CASP8: variants seen among roughly 807,000 people sequenced by gnomAD.
CASP8 encodes the protein caspase 8, also known as caspase-8.
A neutral mutation model predicts 46.3 loss-of-function variants in CASP8; 24 were observed. That is an observed-to-expected ratio of 0.52 (90% CI 0.38 to 0.73). The LOEUF (loss-of-function observed/expected upper bound fraction) is 0.73. Among genes scored for constraint, CASP8 ranks in the 30% least tolerant of loss-of-function variants. The probability of loss-of-function intolerance (pLI) is 0.00; values close to 1 mark genes in which losing one functional copy is unlikely to be tolerated. For missense variants in CASP8, 460 were observed against 559.0 expected (o/e 0.82, Z 1.79); for synonymous variants, 188 against 200.4 (o/e 0.94, Z 0.52).
At chr2:201,234,137 G>C (rs1358937610) in intron 2 of CASP8, 1 of 152,488 alleles carries the variant, frequency 6.6e-6, no homozygotes, top group Admixed American at 6.5e-5. Context: ...TCCAGAGGAG[G>C]TTTGGGGGAA....
At chr2:201,246,499 AC>A (rs1389608840) in intron 2 of CASP8, among the ~76,000 whole-genome samples, 1 of 152,214 alleles carries the variant, frequency 6.6e-6, no homozygotes, top group Non-Finnish European at 1.5e-5. Flanking sequence ...AGTGAAAAAA[AC>A]ATATTATTAT....
chr2:201,237,438 T>TAAA (rs774127508), intron 2 of CASP8, among the ~76,000 whole-genome samples: 5 of 46,074 alleles, frequency 1.1e-4, no homozygotes, highest in East Asian at 7.0e-4. Flanking sequence ...ATCTTCAGAG[T>TAAA]AAAAAAAAAA....
chr2:201,268,060 G>T (rs1271126128), intron 2 of CASP8, among the ~76,000 whole-genome samples: 1 of 152,142 alleles, frequency 6.6e-6, no homozygotes, highest in Non-Finnish European at 1.5e-5. Context: ...CTGAGTAGCT[G>T]GGATTACAGG....
intron 2 of CASP8, among the ~76,000 whole-genome samples, chr2:201,246,711 C>T (rs1946536878): frequency 6.6e-6 from 1 of 152,166 alleles, no homozygotes; most frequent in African/African-American, 2.4e-5. Context: ...AACTGCATGT[C>T]CTGCTCAGAT....
chr2:201,271,396 G>A, intron 2 of CASP8, 120 bp from the exon 3 acceptor site: 1 of 735,522 alleles, frequency 1.4e-6, no homozygotes, highest in South Asian at 1.4e-5. Context: ...CATAAACCAT[G>A]CCATTAACTG....
intron 6 of CASP8, among the ~76,000 whole-genome samples, chr2:201,275,476 C>G (rs1474241379): frequency 2.0e-5 from 3 of 152,178 alleles, no homozygotes; most frequent in Non-Finnish European, 4.4e-5. Context: ...CAACAATCCA[C>G]CAAATACATC....
At chr2:201,250,303 A>T (rs933888166) in intron 2 of CASP8, among the ~76,000 whole-genome samples, 1 of 152,188 alleles carries the variant, frequency 6.6e-6, no homozygotes, top group African/African-American at 2.4e-5. Context: ...AAAATATTCA[A>T]TATGTCATTG....
intron 2 of CASP8, among the ~76,000 whole-genome samples, chr2:201,243,584 A>G (rs1182580258): frequency 6.6e-6 from 1 of 152,234 alleles, no homozygotes; most frequent in Non-Finnish European, 1.5e-5. Flanking sequence ...GCTAATAGGT[A>G]AGGAAAAGTC....
intron 1 of CASP8, chr2:201,262,047 A>G (rs1309582601): frequency 6.6e-6 from 1 of 152,112 alleles, no homozygotes; most frequent in African/African-American, 2.4e-5. Flanking sequence ...TTATTATAAA[A>G]TTTTTTGAAA....
At chr2:201,258,217 A>C (rs568542331), upstream of CASP8, 4 of 1,605,872 alleles carry the variant, frequency 2.5e-6, no homozygotes, top group African/African-American at 1.3e-5. Context: ...AGTCAACTCA[A>C]CAGGAAGTGA....
chr2:201,279,417 T>A (rs1056450347), intron 7 of CASP8, among the ~76,000 whole-genome samples: 6 of 152,170 alleles, frequency 3.9e-5, no homozygotes, highest in African/African-American at 1.2e-4. Flanking sequence ...TCCAAGACAC[T>A]GGCAGCAGAT....
At chr2:201,285,556 C>T (rs1472728880) in intron 8 of CASP8, among the ~76,000 whole-genome samples, 1 of 152,196 alleles carries the variant, frequency 6.6e-6, no homozygotes, top group Non-Finnish European at 1.5e-5. Flanking sequence ...CAAGTGTTAA[C>T]ATCCTTAGTT....
chr2:201,257,864 C>A, upstream of CASP8: 2 of 312,104 alleles, frequency 6.4e-6, no homozygotes, highest in South Asian at 5.4e-5. Flanking sequence ...TACTTGCCAC[C>A]GACAGGGGTT....
chr2:201,275,092 A>G (rs1156693784), intron 6 of CASP8, 139 bp downstream of exon 6: 6 of 693,320 alleles, frequency 8.7e-6, no homozygotes, highest in Admixed American at 8.3e-5. Context: ...TGTAGAAAAA[A>G]TTCACACAAA....
At chr2:201,264,391 G>A (rs1043133607) in intron 1 of CASP8, among the ~76,000 whole-genome samples, 7 of 149,868 alleles carry the variant, frequency 4.7e-5, no homozygotes, top group Non-Finnish European at 1.0e-4. Context: ...TTTTGTTTTG[G>A]TTTTGGTTTT....
intron 7 of CASP8, among the ~76,000 whole-genome samples, chr2:201,282,446 G>T (rs1303881599): frequency 1.1e-5 from 1 of 90,444 alleles, no homozygotes; most frequent in Non-Finnish European, 2.6e-5. Flanking sequence ...CCAATGAGCC[G>T]CTGGGCACAC....
intron 2 of CASP8, among the ~76,000 whole-genome samples, chr2:201,237,438 TAAA>T (rs774127508): frequency 8.7e-5 from 4 of 46,074 alleles, no homozygotes; most frequent in South Asian, 5.8e-4. Context: ...ATCTTCAGAG[TAAA>T]AAAAAAAAAA....
chr2:201,252,189 C>T (rs1244781098), intron 2 of CASP8, among the ~76,000 whole-genome samples: 1 of 152,100 alleles, frequency 6.6e-6, no homozygotes, highest in Non-Finnish European at 1.5e-5. Context: ...AGATCTCTTG[C>T]CCACTTTTCA....
upstream of CASP8, among the ~76,000 whole-genome samples, chr2:201,259,637 A>AT (rs1947244610): frequency 6.6e-6 from 1 of 152,092 alleles, no homozygotes; most frequent in Non-Finnish European, 1.5e-5. Flanking sequence ...GAGGTGTTTG[A>AT]TTTTCTTTTC....
Sources: gnomAD v4.1 joint callset for allele counts (sites outside exome capture counted in the v4.1 genomes callset) on GRCh38, gnomAD v4.1.1 for gene constraint, MANE v1.5 for transcripts, NCBI Gene and HGNC (gene_info 2026-07-23, HGNC 2026-07-21) for gene names.